Variants in ABL2 observed in about 807,000 individuals in gnomAD.
ABL2 encodes tyrosine-protein kinase ABL2.
A neutral mutation model predicts 107.7 loss-of-function variants in ABL2; 49 were observed. That is an observed-to-expected ratio of 0.45 (90% CI 0.36 to 0.58). The LOEUF (loss-of-function observed/expected upper bound fraction) is 0.58. Ranked by LOEUF, ABL2 falls within the 20% of genes least tolerant of loss-of-function variation. The probability of loss-of-function intolerance (pLI) is 0.00; values close to 1 mark genes in which losing one functional copy is unlikely to be tolerated. For missense variants in ABL2, 1,245 were observed against 1,457.0 expected, an observed-to-expected ratio of 0.85 and a Z score of 2.37; for synonymous variants, 549 against 548.6, an observed-to-expected ratio of 1.00 and a Z score of -0.01.
intron 1 of ABL2, among the ~76,000 whole-genome samples, chr1:179,171,750 C>T (rs1026849448): frequency 2.0e-5 from 3 of 152,188 alleles, no homozygotes; most frequent in African/African-American, 7.2e-5. Flanking sequence ...TTGCCTCAAG[C>T]AATCCTCCCA....
intron 1 of ABL2, among the ~76,000 whole-genome samples, chr1:179,170,550 C>T (rs1571241344): frequency 6.6e-6 from 1 of 151,942 alleles, no homozygotes; most frequent in Middle Eastern, 3.4e-3. Flanking sequence ...CCGAGTAGCT[C>T]GGATTACAGG....
chr1:179,221,404 A>G (rs1662856539), intron 1 of ABL2, among the ~76,000 whole-genome samples: 1 of 152,192 alleles, frequency 6.6e-6, no homozygotes, highest in Non-Finnish European at 1.5e-5. Flanking sequence ...CAGCCAGGCC[A>G]ATATGGTGAA....
chr1:179,228,050 CAAAAAAA>C (rs34070201), intron 1 of ABL2, among the ~76,000 whole-genome samples: 2 of 63,390 alleles, frequency 3.2e-5, no homozygotes, highest in South Asian at 5.9e-4. Flanking sequence ...ACTCCGTCTC[CAAAAAAA>C]AAAAAAAAAA....
chr1:179,133,559 T>C (rs1207361780), intron 1 of ABL2, among the ~76,000 whole-genome samples, 185 bp from the exon 2 acceptor site: 1 of 152,210 alleles, frequency 6.6e-6, no homozygotes, highest in Non-Finnish European at 1.5e-5. Context: ...ACCATGCTGC[T>C]TCCCATCTTC....
At chr1:179,176,031 T>C (rs1660025719) in intron 1 of ABL2, among the ~76,000 whole-genome samples, 1 of 152,018 alleles carries the variant, frequency 6.6e-6, no homozygotes, top group Non-Finnish European at 1.5e-5. Flanking sequence ...AATTTTTGTA[T>C]TTTTAGTAGA....
chr1:179,137,479 T>C (rs1256912440), intron 1 of ABL2, among the ~76,000 whole-genome samples: 4 of 152,158 alleles, frequency 2.6e-5, no homozygotes, highest in East Asian at 3.8e-4. Flanking sequence ...ACAATGTTTA[T>C]AAATACTCTG....
chr1:179,184,150 C>A (rs1014047186), intron 1 of ABL2: 17 of 365,398 alleles, frequency 4.7e-5, no homozygotes, highest in African/African-American at 3.7e-4. Flanking sequence ...CCTCAAGTGT[C>A]TGCACTGCTT....
intron 1 of ABL2, chr1:179,137,879 G>C (rs527993321): frequency 1.4e-4 from 22 of 152,304 alleles, no homozygotes; most frequent in African/African-American, 5.3e-4. Context: ...ACTGACTGGA[G>C]GCCAATTCTG....
rs746492811 is a variant in ABL2 at position 179,100,714 on chromosome 1, G to A, written c.*7004C>T. ...TAGGACCCTGAAAATTTGCTGATGC[G>A]AGTACAGTGATGAACAAAGAACCTT... On this transcript the variant is annotated 3_prime_UTR_variant, in exon 12 of 12. Coordinates refer to ENST00000502732, the MANE Select transcript of ABL2 (RefSeq NM_007314.4). The A allele has an allele frequency of 3.1e-4, 71 of 229,952 alleles. 1 individual carries two copies. Among genetic ancestry groups the A allele is most frequent in the Non-Finnish European group, 5.0e-4 (58 of 116,066 alleles). 14.2% of individuals were successfully genotyped at this position (229,952 alleles called of 1,614,324 possible). A position where few individuals can be genotyped will look rare whatever the true frequency, so the allele number is the denominator to read the frequency against.
intron 1 of ABL2, among the ~76,000 whole-genome samples, chr1:179,211,175 C>A (rs1266021865): frequency 6.6e-6 from 1 of 152,030 alleles, no homozygotes; most frequent in African/African-American, 2.4e-5. Flanking sequence ...GAAAACAAGA[C>A]ATATAGTGAT....
intron 1 of ABL2, among the ~76,000 whole-genome samples, chr1:179,170,988 G>A (rs1659685770): frequency 6.6e-6 from 1 of 152,174 alleles, no homozygotes; most frequent in Admixed American, 6.5e-5. Context: ...ACAGGCGTGA[G>A]CCACCTCATC....
intron 1 of ABL2, among the ~76,000 whole-genome samples, chr1:179,217,226 C>A (rs57769288): frequency 0.017 from 2,521 of 151,708 alleles, 26 homozygotes; most frequent in Middle Eastern, 0.058. Context: ...CTCAGAAGGC[C>A]GAGGTTGAAC....
intron 1 of ABL2, among the ~76,000 whole-genome samples, chr1:179,199,755 A>C (rs1446962734): frequency 7.1e-6 from 1 of 140,488 alleles, no homozygotes. Context: ...TTTTTGAGAC[A>C]GATTCTCTCT....
chr1:179,132,567 C>T (rs1408337915), intron 2 of ABL2, among the ~76,000 whole-genome samples: 6 of 151,758 alleles, frequency 4.0e-5, no homozygotes, highest in South Asian at 2.1e-4. Context: ...GATGGAGTTT[C>T]GCTCTTGTTG....
At chr1:179,119,766 T>C (rs1015189572) in intron 6 of ABL2, among the ~76,000 whole-genome samples, 9 of 152,204 alleles carry the variant, frequency 5.9e-5, no homozygotes, top group Non-Finnish European at 1.0e-4. Context: ...AAACATTTCA[T>C]GAGTTTTTGG....
chr1:179,168,907 G>A (rs1482044645), intron 1 of ABL2, among the ~76,000 whole-genome samples: 2 of 152,120 alleles, frequency 1.3e-5, no homozygotes, highest in East Asian at 3.8e-4. Flanking sequence ...TATAAATAAT[G>A]CCAAAAATAT....
chr1:179,157,022 T>C (rs995286209), intron 1 of ABL2, among the ~76,000 whole-genome samples: 1 of 152,158 alleles, frequency 6.6e-6, no homozygotes, highest in African/African-American at 2.4e-5. Flanking sequence ...GCTGGCTTTA[T>C]TTATGAGAGG....
chr1:179,179,206 C>T (rs1660224418), intron 1 of ABL2, among the ~76,000 whole-genome samples: 1 of 152,102 alleles, frequency 6.6e-6, no homozygotes, highest in African/African-American at 2.4e-5. Context: ...CAGATAATTC[C>T]TCCACATGAG....
In ABL2 at chr1:179,108,308, G is replaced by A; in HGVS notation, c.2959C>T (p.Pro987Ser). ...TGCTGCAGTAGTCTCATCACTGGTG[G>A]TGGGGGTGGGGCACACTTTGGTTTT... The part of the protein sequence containing the change: ...RVKPKCAPPP[P>S]PVMRLLQHPS... Residue 987 changes from proline to serine, a missense_variant, in exon 12 of 12, where the codon CCA (proline) becomes TCA (serine). Physicochemically the swap from Pro to Ser is moderately conservative, Grantham distance 74. Coordinates refer to ENST00000502732, the MANE Select transcript of ABL2 (RefSeq NM_007314.4). The A allele has an allele frequency of 2.5e-6, 4 of 1,614,130 alleles. No homozygotes were observed. The highest frequency in any genetic ancestry group is 3.4e-6 in the Non-Finnish European group (4 of 1,180,034).
Sources: gnomAD v4.1 joint callset for allele counts (sites outside exome capture counted in the v4.1 genomes callset) on GRCh38, gnomAD v4.1.1 for gene constraint, MANE v1.5 for transcripts, NCBI Gene and HGNC (gene_info 2026-07-23, HGNC 2026-07-21) for gene names.